The following AOX1 variants were observed in gnomAD, a reference collection of about 807,000 sequenced individuals.
AOX1 encodes the protein aldehyde oxidase.
Under a neutral mutation model 169.5 loss-of-function variants are expected in AOX1, and 153 were observed. That is an observed-to-expected ratio of 0.90 (90% CI 0.79 to 1.03). The LOEUF (loss-of-function observed/expected upper bound fraction) is 1.03. Among genes scored for constraint, AOX1 ranks in the 50% least tolerant of loss-of-function variants. The pLI, the probability that AOX1 is intolerant of heterozygous loss-of-function variation, is 0.00. For synonymous variants in AOX1, 562 were observed against 581.9 expected (o/e 0.97, Z 0.49); for missense variants, 1,656 against 1,663.9 (o/e 1.00, Z 0.08).
intron 16 of AOX1, among the ~76,000 whole-genome samples, chr2:200,616,810 G>A (rs1183999282): frequency 6.6e-6 from 1 of 152,162 alleles, no homozygotes; most frequent in African/African-American, 2.4e-5. Context: ...AACATGAAAA[G>A]GCTTTTTAAA....
At chr2:200,595,548 T>C (rs1054003618) in intron 3 of AOX1, among the ~76,000 whole-genome samples, 180 bp downstream of exon 3, 3 of 152,156 alleles carry the variant, frequency 2.0e-5, no homozygotes, top group African/African-American at 7.2e-5. Flanking sequence ...GAAAAAAATG[T>C]AGCATCAATG....
At chr2:200,649,433 G>T (rs1310949677) in intron 25 of AOX1, among the ~76,000 whole-genome samples, 1 of 152,136 alleles carries the variant, frequency 6.6e-6, no homozygotes, top group African/African-American at 2.4e-5. Context: ...CTCACAGCTG[G>T]GGCACTCACG....
chr2:200,630,210 T>TAAAAAAAAA (rs57410809), intron 20 of AOX1, among the ~76,000 whole-genome samples: 4 of 95,560 alleles, frequency 4.2e-5, no homozygotes, highest in African/African-American at 1.8e-4. Context: ...TCCTTCTATT[T>TAAAAAAAAA]AAAAAAAAAA....
rs2035829321 is a variant in AOX1, at chr2:200,661,564, G to C, written c.3376-15G>C. The C allele has an allele frequency of 6.2e-7, 1 of 1,610,246 alleles. No homozygotes were observed. Among genetic ancestry groups the C allele is most frequent in the African/African-American group, 1.3e-5 (1 of 74,748 alleles). On this transcript the variant is annotated splice_polypyrimidine_tract_variant and intron_variant, in intron 29 of 34. Transcript: ENST00000374700. Reference sequence around the variant, plus strand: ...GGGCATCCTTGTTGCATCATGCTATGCTCTTCCTTCACAGGCACAGACTGC... The same window carrying C: ...GGGCATCCTTGTTGCATCATGCTATCCTCTTCCTTCACAGGCACAGACTGC...
At chr2:200,676,262 G>C (rs1362748641), downstream of AOX1, among the ~76,000 whole-genome samples, 1 of 152,032 alleles carries the variant, frequency 6.6e-6, no homozygotes, top group East Asian at 1.9e-4. Context: ...GCATGATTTA[G>C]CTCCATGTCA....
At chr2:200,646,849 G>C (rs1574949749) in intron 25 of AOX1, among the ~76,000 whole-genome samples, 1 of 152,112 alleles carries the variant, frequency 6.6e-6, no homozygotes, top group East Asian at 1.9e-4. Flanking sequence ...CTTTAAAATT[G>C]GTTTTGTCTG....
intron 1 of AOX1, 141 bp from the exon 2 acceptor site, chr2:200,593,005 C>G (rs2034206791): frequency 1.5e-6 from 1 of 658,368 alleles, no homozygotes; most frequent in Admixed American, 2.4e-5. Context: ...CATATCACAG[C>G]TGTTCCATAA....
intron 20 of AOX1, 82 bp downstream of exon 20, chr2:200,627,531 A>C: frequency 9.8e-7 from 1 of 1,017,936 alleles, no homozygotes; most frequent in Non-Finnish European, 1.5e-6. Context: ...TCTGGAAATC[A>C]TCGGGCAGCC....
At chr2:200,602,421 G>C in intron 6 of AOX1, 76 bp downstream of exon 6, 1 of 1,306,374 alleles carries the variant, frequency 7.7e-7, no homozygotes, top group Non-Finnish European at 1.1e-6. Context: ...AGTGATTAGG[G>C]GGGCAGCCAT....
At chr2:200,660,336 A>G (rs1283356093) in intron 29 of AOX1, among the ~76,000 whole-genome samples, 2 of 152,212 alleles carry the variant, frequency 1.3e-5, no homozygotes, top group Non-Finnish European at 2.9e-5. Flanking sequence ...AGAATTAATT[A>G]ATGTTTCATC....
At position 200,604,805 on chromosome 2, in the gene AOX1, C is replaced by T. The variant is rs1014279970; in HGVS notation, c.779C>T (p.Pro260Leu). 1.9e-6 allele frequency: 3 copies of T among 1,613,816 alleles called. No homozygotes were observed. The highest frequency in any genetic ancestry group is 2.7e-5 in the African/African-American group (2 of 74,866). Residue 260 changes from proline (P) to leucine (L), a missense_variant, in exon 9 of 35, where the codon CCC becomes CTC. By Grantham distance (98) the Pro-to-Leu change is moderately conservative (BLOSUM62 -3). Transcript: ENST00000374700. Reference protein sequence around the residue: ...KELLEFKFKYPQAPVIMGNTS... With the variant: ...KELLEFKFKYLQAPVIMGNTS... ...CTGCTGGAATTTAAATTCAAGTATCCCCAGGCTCCTGTTATCATGGGAAAC... is the reference window on the plus strand; with the variant it reads ...CTGCTGGAATTTAAATTCAAGTATCTCCAGGCTCCTGTTATCATGGGAAAC...
chr2:200,640,749 G>A (rs143751812), intron 23 of AOX1, among the ~76,000 whole-genome samples: 1 of 152,306 alleles, frequency 6.6e-6, no homozygotes, highest in Non-Finnish European at 1.5e-5. Context: ...TGTCATAATG[G>A]TGACTAAAAC....
intron 15 of AOX1, among the ~76,000 whole-genome samples, chr2:200,614,778 C>T (rs1268048766): frequency 6.6e-6 from 1 of 152,094 alleles, no homozygotes; most frequent in Non-Finnish European, 1.5e-5. Context: ...GGTATCTTCT[C>T]AGTGTAGGTG....
chr2:200,598,527 G>A (rs891417479), intron 4 of AOX1, among the ~76,000 whole-genome samples: 4 of 152,176 alleles, frequency 2.6e-5, no homozygotes, highest in East Asian at 1.9e-4. Flanking sequence ...GGCAGATCAC[G>A]AGCTCAAGAG....
At chr2:200,630,210 TAAAAAA>T (rs57410809) in intron 20 of AOX1, among the ~76,000 whole-genome samples, 10 of 95,528 alleles carry the variant, frequency 1.0e-4, no homozygotes, top group African/African-American at 2.7e-4. Context: ...TCCTTCTATT[TAAAAAA>T]AAAAAAAAAA....
chr2:200,645,938 G>A (rs1367283374), intron 25 of AOX1, among the ~76,000 whole-genome samples: 2 of 151,834 alleles, frequency 1.3e-5, no homozygotes, highest in Non-Finnish European at 2.9e-5. Context: ...TTCTTAGTGA[G>A]GTTATTTGGA....
chr2:200,659,852 A>G lies in AOX1; in HGVS notation c.3301-143A>G, dbSNP rs528949381. Reference sequence around the variant, plus strand: ...TGCACACACTCATATGAAACCTTTCATATCACCTTCATACAGGGTTGGTGT... The same window carrying G: ...TGCACACACTCATATGAAACCTTTCGTATCACCTTCATACAGGGTTGGTGT... On this transcript the variant is annotated intron_variant, in intron 28 of 34. Transcript: ENST00000374700. 7.9e-6 allele frequency: 5 copies of G among 631,196 alleles called. No individual in the cohort carries two copies. In the East Asian group the frequency reaches 1.4e-4, roughly 18 times the overall value. 39.1% of individuals were successfully genotyped at this position (631,196 alleles called of 1,614,324 possible). A position where few individuals can be genotyped will look rare whatever the true frequency, so the allele number is the denominator to read the frequency against.
chr2:200,642,525 T>C (rs2035371381), intron 24 of AOX1, 85 bp from the exon 25 acceptor site: 3 of 1,140,222 alleles, frequency 2.6e-6, no homozygotes, highest in Non-Finnish European at 3.8e-6. Context: ...AGAGCTGCCA[T>C]TTTCGGCCTG....
rs371300618 is a variant in AOX1, at chr2:200,609,138, A to G, written c.1059+3A>G. On this transcript the variant is annotated splice_donor_region_variant and intron_variant, in intron 11 of 34. Transcript: ENST00000374700. ...GGTCCCAGATCAGGAACATGGCTGT[A>G]TGTATCTGATGACAGTAAACTCTGG... The G allele has an allele frequency of 2.5e-6, 4 of 1,613,628 alleles. No homozygotes were observed. The highest frequency in any genetic ancestry group is 1.3e-5 in the African/African-American group (1 of 74,920).
Sources: gnomAD v4.1 joint callset for allele counts (sites outside exome capture counted in the v4.1 genomes callset) on GRCh38, gnomAD v4.1.1 for gene constraint, MANE v1.5 for transcripts, NCBI Gene and HGNC (gene_info 2026-07-23, HGNC 2026-07-21) for gene names.